The following LINGO2 variants were observed in gnomAD, a reference collection of about 807,000 sequenced individuals.
The protein encoded by LINGO2 is leucine rich repeat and Ig domain containing 2.
A neutral mutation model predicts 30.6 loss-of-function variants in LINGO2; 14 were observed. That is an observed-to-expected ratio of 0.46 (90% confidence interval 0.30 to 0.72). The LOEUF is 0.72. Ranked by LOEUF, LINGO2 falls within the 30% of genes least tolerant of loss-of-function variation. The pLI is 0.07. For missense variants in LINGO2, 729 were observed against 751.7 expected (o/e 0.97, Z 0.35); for synonymous variants, 317 against 288.5 (o/e 1.10, Z -1.00).
the LINGO2 span, among the ~76,000 whole-genome samples, chr9:28,731,146 C>T: frequency 4.2e-4 from 64 of 152,002 alleles, no homozygotes; most frequent in African/African-American, 1.4e-3. Flanking sequence ...TGCACCACCA[C>T]ACCCGGCTAA....
chr9:28,916,149 C>T, the LINGO2 span, among the ~76,000 whole-genome samples: 2 of 152,132 alleles, frequency 1.3e-5, no homozygotes, highest in Non-Finnish European at 2.9e-5. Context: ...AAACAGAGAA[C>T]TTAAGACTGA....
At chr9:29,007,883 A>T in the LINGO2 span, among the ~76,000 whole-genome samples, 3 of 152,084 alleles carry the variant, frequency 2.0e-5, no homozygotes. Flanking sequence ...ATTTAAGAGT[A>T]GCCAACATGC....
the LINGO2 span, among the ~76,000 whole-genome samples, chr9:28,692,665 CA>C: frequency 1.3e-5 from 2 of 152,076 alleles, no homozygotes; most frequent in Non-Finnish European, 2.9e-5. Context: ...TCTCTCCATA[CA>C]AGGACTACAT....
At chr9:29,163,387 T>C in the LINGO2 span, among the ~76,000 whole-genome samples, 1 of 152,208 alleles carries the variant, frequency 6.6e-6, no homozygotes, top group Non-Finnish European at 1.5e-5. Context: ...GGTTCCAGTC[T>C]TAAATAATTT....
At chr9:28,706,846 A>G in the LINGO2 span, among the ~76,000 whole-genome samples, 5 of 152,070 alleles carry the variant, frequency 3.3e-5, no homozygotes, top group Admixed American at 3.3e-4. Flanking sequence ...CTGATGATAG[A>G]CCTGACCTTA....
At chr9:28,174,334 A>G (rs1412843869) in intron 4 of LINGO2, among the ~76,000 whole-genome samples, 1 of 152,244 alleles carries the variant, frequency 6.6e-6, no homozygotes, top group Non-Finnish European at 1.5e-5. Context: ...ACTGGGTCAG[A>G]ACACTGCTAT....
At chr9:28,812,562 A>G in the LINGO2 span, among the ~76,000 whole-genome samples, 2 of 152,180 alleles carry the variant, frequency 1.3e-5, no homozygotes, top group Non-Finnish European at 2.9e-5. Flanking sequence ...TTGCCACTAA[A>G]TGTCCTAGCT....
chr9:28,854,727 G>A, the LINGO2 span, among the ~76,000 whole-genome samples: 1 of 151,856 alleles, frequency 6.6e-6, no homozygotes. Flanking sequence ...CAGTTTTTCT[G>A]ACTAAAACCA....
intron 3 of LINGO2, among the ~76,000 whole-genome samples, chr9:28,296,140 C>T (rs1358497952): frequency 2.0e-5 from 3 of 152,116 alleles, no homozygotes; most frequent in Non-Finnish European, 4.4e-5. Flanking sequence ...ATAAATATGG[C>T]ATTTAAACTT....
chr9:28,997,971 T>A, the LINGO2 span, among the ~76,000 whole-genome samples: 4 of 152,220 alleles, frequency 2.6e-5, no homozygotes, highest in African/African-American at 9.6e-5. Context: ...ATGAAGTAGC[T>A]GTTATTACCA....
rs374284674 is a variant in LINGO2, at chr9:28,358,603, C to G, written c.-246+14233G>C. ...AAGAAAAGAGTTGAGCCCATGACCT[C>G]TGGAACCAGGCATATGGGCTACAGG... is the stretch of plus-strand genomic sequence containing the variant. On this transcript the variant is annotated intron_variant, in intron 3 of 5. Transcript: ENST00000379992. Among the ~76,000 whole-genome samples, 11 of 152,266 alleles carry G rather than the reference C, an allele frequency of 7.2e-5. No individual in the cohort carries two copies. The East Asian group carries it at 1.2e-3, about 16-fold the overall frequency.
At chr9:28,673,667 GATCATC>G (rs139919509), upstream of LINGO2, among the ~76,000 whole-genome samples, 41 of 147,172 alleles carry the variant, frequency 2.8e-4, no homozygotes, top group Admixed American at 6.8e-4. Context: ...ACTCTGTCTC[GATCATC>G]ATCATCATCA....
At chr9:28,861,348 A>G in the LINGO2 span, among the ~76,000 whole-genome samples, 1 of 133,070 alleles carries the variant, frequency 7.5e-6, no homozygotes, top group Non-Finnish European at 1.5e-5. Context: ...ATTAATATAT[A>G]TACATATTTA....
In LINGO2 at chr9:28,314,955, A is replaced by C. The variant is rs990146101; in HGVS notation, c.-245-19589T>G. 2.7e-5 allele frequency among the ~76,000 whole-genome samples: 4 copies of C among 150,512 alleles called. No homozygotes were observed. In the East Asian group the frequency reaches 6.0e-4, roughly 22 times the overall value. On this transcript the variant is annotated intron_variant, in intron 3 of 5. Transcript: ENST00000379992. ...AGCCGAGATGGCGGAGTTCGCAGTG[A>C]GCCGAGATCGCGCCACTCCAGTCCA...
At chr9:27,984,015 G>C (rs1821009219) in intron 5 of LINGO2, among the ~76,000 whole-genome samples, 5 of 151,864 alleles carry the variant, frequency 3.3e-5, no homozygotes, top group Non-Finnish European at 7.4e-5. Context: ...AAAGAAGAAA[G>C]AGAAAACAAG....
At chr9:28,836,407 C>A in the LINGO2 span, among the ~76,000 whole-genome samples, 1 of 152,008 alleles carries the variant, frequency 6.6e-6, no homozygotes, top group South Asian at 2.1e-4. Flanking sequence ...CTCCACCTCC[C>A]GGGTTCAAGC....
the LINGO2 span, among the ~76,000 whole-genome samples, chr9:29,133,455 T>C: frequency 6.6e-6 from 1 of 152,160 alleles, no homozygotes; most frequent in African/African-American, 2.4e-5. Context: ...TGAACATTAG[T>C]TCATTTGGTC....
intron 4 of LINGO2, among the ~76,000 whole-genome samples, chr9:28,170,792 T>C (rs1308230949): frequency 6.6e-6 from 1 of 152,216 alleles, no homozygotes; most frequent in African/African-American, 2.4e-5. Flanking sequence ...TTTCCTTCTC[T>C]GACTTTGATT....
chr9:28,037,765 A>G (rs1280270784), intron 4 of LINGO2, among the ~76,000 whole-genome samples: 3 of 152,184 alleles, frequency 2.0e-5, no homozygotes, highest in Non-Finnish European at 4.4e-5. Flanking sequence ...ATGGATCACA[A>G]ATGTGGTTGC....
Sources: allele counts gnomAD v4.1 joint callset (sites outside exome capture counted in the v4.1 genomes callset), GRCh38; gene constraint gnomAD v4.1.1; transcripts MANE v1.5; gene names NCBI Gene and HGNC (gene_info 2026-07-23, HGNC 2026-07-21).